The following CFAP54 variants were observed in gnomAD, a reference collection of about 807,000 sequenced individuals.
CFAP54 encodes the protein cilia and flagella associated protein 54, also known as cilia- and flagella-associated protein 54.
In CFAP54, 290 loss-of-function variants were observed where a neutral mutation model predicts 370.4. The observed-to-expected ratio is 0.78, with a 90% CI of 0.71 to 0.86. The LOEUF (loss-of-function observed/expected upper bound fraction) is 0.86. Among genes scored for constraint, CFAP54 ranks in the 40% least tolerant of loss-of-function variants. CFAP54 has a pLI of 0.00. For synonymous variants in CFAP54, 1,206 were observed against 1,236.5 expected (o/e 0.98, Z 0.52); for missense variants, 3,399 against 3,528.7 (o/e 0.96, Z 0.93).
chr12:96,679,808 C>T, intron 40 of CFAP54, 56 bp downstream of exon 40: 1 of 1,547,156 alleles, frequency 6.5e-7, no homozygotes. Context: ...GACCACCCTG[C>T]AGATGTCCCT....
Position 96,691,183 on chromosome 12 carries a change from A to G in CFAP54, c.6137A>G (p.Tyr2046Cys). Residue 2046 changes from tyrosine (Y) to cysteine (C), a missense_variant, in exon 44 of 68, where the codon TAT (tyrosine) becomes TGT (cysteine). Tyr to Cys is a radical substitution (Grantham distance 194). Around this residue, in one of 3 missense-constraint regions of CFAP54, gnomAD observed 2,796 missense variants for 2,869.7 expected, o/e 0.97. Coordinates refer to ENST00000524981, the MANE Select transcript of CFAP54 (RefSeq NM_001306084.2). ...AAAGCTGAACGTTGCTATGCTCAAT[A>G]TGAAATCACTCAGCTTCTCCCAGGC... is the stretch of plus-strand genomic sequence containing the variant. The part of the protein sequence containing the change: ...HPKAERCYAQ[Y>C]EITQLLPGIE... 2 of 1,613,696 alleles carry G rather than the reference A, an allele frequency of 1.2e-6. No homozygotes were observed. The highest frequency in any genetic ancestry group is 1.7e-5 in the Admixed American group (1 of 59,984).
Position 96,562,521 on chromosome 12 carries a change from G to A in CFAP54, c.2411-1947G>A, listed in dbSNP as rs139961999. 9.6e-3 allele frequency among the ~76,000 whole-genome samples: 1,443 copies of A among 150,768 alleles called. 27 individuals carry two copies. Among genetic ancestry groups the A allele is most frequent in the African/African-American group, 0.033 (1,352 of 41,004 alleles). On this transcript the variant is annotated intron_variant, in intron 17 of 67. Coordinates refer to ENST00000524981, the MANE Select transcript of CFAP54 (RefSeq NM_001306084.2). ...AGCTCACTGGAACCTCTGCCTCCGA[G>A]GTTCAAGTGATTCTCCTGCCTCAGC...
chr12:96,727,188 A>T (rs1957852257), intron 50 of CFAP54, among the ~76,000 whole-genome samples: 1 of 152,176 alleles, frequency 6.6e-6, no homozygotes, highest in East Asian at 1.9e-4. Context: ...GATGTCTATT[A>T]GGTCCGCTTG....
intron 32 of CFAP54, among the ~76,000 whole-genome samples, chr12:96,640,528 C>A (rs1218013192): frequency 6.6e-6 from 1 of 152,168 alleles, no homozygotes; most frequent in African/African-American, 2.4e-5. Flanking sequence ...TCAATGCCAT[C>A]CCCATCAACC....
intron 26 of CFAP54, among the ~76,000 whole-genome samples, chr12:96,599,747 T>C (rs1956219530): frequency 6.6e-6 from 1 of 152,242 alleles, no homozygotes; most frequent in Non-Finnish European, 1.5e-5. Flanking sequence ...TTTGCATTTC[T>C]CTGATGACCA....
intron 32 of CFAP54, among the ~76,000 whole-genome samples, chr12:96,642,238 T>C (rs1157055322): frequency 6.6e-6 from 1 of 152,172 alleles, no homozygotes; most frequent in Non-Finnish European, 1.5e-5. Flanking sequence ...CATCATTTTT[T>C]TGAGCTACTT....
At chr12:96,531,916 G>C (rs1431530222) in intron 9 of CFAP54, among the ~76,000 whole-genome samples, 1 of 152,072 alleles carries the variant, frequency 6.6e-6, no homozygotes. Flanking sequence ...AGTAGAGATG[G>C]GGTTCCACCA....
chr12:96,693,634 C>G, intron 44 of CFAP54, 88 bp from the exon 45 acceptor site: 1 of 811,708 alleles, frequency 1.2e-6, no homozygotes. Context: ...ATAACATATC[C>G]TATATTTAAT....
At position 96,806,198 on chromosome 12, in the gene CFAP54, ATATATATATATATAT is replaced by A. The variant is rs1565984905; in HGVS notation, c.8851-5537_8851-5523del. On this transcript the variant is annotated intron_variant, in intron 63 of 67. Coordinates refer to ENST00000524981, the MANE Select transcript of CFAP54 (RefSeq NM_001306084.2). ...TATATATATATATATATATATATATATATATATATATATATAATAACAACATAAAAAGAAAGTTGG... is the reference window on the plus strand; with the variant it reads ...TATATATATATATATATATATATATAAATAACAACATAAAAAGAAAGTTGG... Among the ~76,000 whole-genome samples, 181 of 88,376 alleles carry A rather than the reference ATATATATATATATAT, an allele frequency of 2.0e-3. 8 individuals are homozygous for A. The South Asian group carries it at 0.031, about 15-fold the overall frequency. 58.0% of individuals were successfully genotyped at this position (88,376 alleles called of 152,430 possible). A position where few individuals can be genotyped will look rare whatever the true frequency, so the allele number is the denominator to read the frequency against.
In CFAP54 at chr12:96,584,581, A is replaced by G. The variant is rs1013863483; in HGVS notation, c.3075+3476A>G. 4.0e-5 allele frequency among the ~76,000 whole-genome samples: 6 copies of G among 151,786 alleles called. No homozygotes were observed. The South Asian group carries it at 6.2e-4, about 16-fold the overall frequency. On this transcript the variant is annotated intron_variant, in intron 22 of 67. Coordinates refer to ENST00000524981, the MANE Select transcript of CFAP54 (RefSeq NM_001306084.2). ...TATTTATGGATGAATCATTTAGTCAATGTTTATCTTGTGCCAAGTTATATG... is the reference window on the plus strand; with the variant it reads ...TATTTATGGATGAATCATTTAGTCAGTGTTTATCTTGTGCCAAGTTATATG...
At chr12:96,807,094 T>A (rs80117570) in intron 63 of CFAP54, among the ~76,000 whole-genome samples, 2 of 152,166 alleles carry the variant, frequency 1.3e-5, no homozygotes, top group Non-Finnish European at 2.9e-5. Flanking sequence ...GTAGGTTCCA[T>A]TGGAAACCTT....
chr12:96,641,464 T>G (rs563866888), intron 32 of CFAP54, among the ~76,000 whole-genome samples: 2 of 152,044 alleles, frequency 1.3e-5, no homozygotes, highest in African/African-American at 4.8e-5. Context: ...ATAGGAACAC[T>G]TTTATGCTGT....
intron 60 of CFAP54, among the ~76,000 whole-genome samples, chr12:96,781,296 A>T (rs913447084): frequency 6.6e-6 from 1 of 152,180 alleles, no homozygotes; most frequent in Admixed American, 6.5e-5. Context: ...AATATTCTTT[A>T]CGAATTCATG....
chr12:96,535,422 AT>A (rs11453356), intron 11 of CFAP54, 92 bp from the exon 12 acceptor site: 5 of 735,672 alleles, frequency 6.8e-6, no homozygotes, highest in South Asian at 1.7e-5. Flanking sequence ...CATTTGTGTC[AT>A]TTTTTTAGCA....
chr12:96,616,897 C>T (rs1381450567), intron 26 of CFAP54, among the ~76,000 whole-genome samples: 1 of 151,910 alleles, frequency 6.6e-6, no homozygotes, highest in Non-Finnish European at 1.5e-5. Context: ...TCTTGTTGTA[C>T]AACAGCTAAT....
intron 66 of CFAP54, among the ~76,000 whole-genome samples, chr12:96,852,068 C>T (rs894108539): frequency 1.3e-5 from 2 of 151,958 alleles, no homozygotes; most frequent in Non-Finnish European, 2.9e-5. Context: ...ATAACAGAAG[C>T]AATAATCAGA....
chr12:96,575,211 G>T (rs1187932798), intron 19 of CFAP54, among the ~76,000 whole-genome samples: 2 of 151,976 alleles, frequency 1.3e-5, no homozygotes, highest in Non-Finnish European at 2.9e-5. Flanking sequence ...TATTTAAAAG[G>T]AGTTATTTTC....
chr12:96,579,456 T>C (rs1956010694), intron 20 of CFAP54, among the ~76,000 whole-genome samples: 1 of 152,210 alleles, frequency 6.6e-6, no homozygotes. Context: ...CAGTCAGTGT[T>C]GAGAACCACT....
At chr12:96,638,697 T>C (rs1956689993) in intron 32 of CFAP54, among the ~76,000 whole-genome samples, 1 of 152,236 alleles carries the variant, frequency 6.6e-6, no homozygotes, top group African/African-American at 2.4e-5. Context: ...ATGATTCTTT[T>C]AGAACTCTTT....
Sources: allele counts gnomAD v4.1 joint callset (sites outside exome capture counted in the v4.1 genomes callset), GRCh38; gene constraint gnomAD v4.1.1; regional missense constraint gnomAD v4.1.1; transcripts MANE v1.5; gene names NCBI Gene and HGNC (gene_info 2026-07-23, HGNC 2026-07-21).